Variants in STXBP5L observed in about 807,000 individuals in gnomAD.
STXBP5L encodes syntaxin binding protein 5L, also known as syntaxin-binding protein 5-like.
STXBP5L carries 65 observed loss-of-function variants against 144.5 expected under a neutral mutation model. That is an observed-to-expected ratio of 0.45 (90% CI 0.37 to 0.55). The LOEUF (loss-of-function observed/expected upper bound fraction) is 0.55. Among genes scored for constraint, STXBP5L ranks in the 20% least tolerant of loss-of-function variants. The pLI, the probability that STXBP5L is intolerant of heterozygous loss-of-function variation, is 0.00. For synonymous variants in STXBP5L, 505 were observed against 469.6 expected (o/e 1.08, Z -0.97); for missense variants, 1,298 against 1,405.5 (o/e 0.92, Z 1.22).
At chr3:121,137,028 T>G (rs1358416287) in intron 7 of STXBP5L, among the ~76,000 whole-genome samples, 1 of 152,180 alleles carries the variant, frequency 6.6e-6, no homozygotes, top group African/African-American at 2.4e-5. Context: ...CTAAACGTTG[T>G]GTACACACAG....
At chr3:121,007,249 A>T (rs558672975) in intron 3 of STXBP5L, among the ~76,000 whole-genome samples, 1 of 152,062 alleles carries the variant, frequency 6.6e-6, no homozygotes, top group Non-Finnish European at 1.5e-5. Flanking sequence ...CTTGATTATG[A>T]TACATTATCT....
chr3:121,206,147 A>G (rs927545535), intron 10 of STXBP5L, 146 bp downstream of exon 10: 8 of 442,980 alleles, frequency 1.8e-5, no homozygotes, highest in African/African-American at 4.1e-5. Flanking sequence ...CTTGTCTCAT[A>G]GACATATCTC....
chr3:121,284,219 T>C (rs186428798), intron 19 of STXBP5L, among the ~76,000 whole-genome samples: 12 of 152,104 alleles, frequency 7.9e-5, no homozygotes, highest in Admixed American at 1.3e-4. Context: ...TCCTCTAAAG[T>C]ATAATTTCTA....
At chr3:121,221,656 TAAC>T (rs1343484857) in intron 10 of STXBP5L, among the ~76,000 whole-genome samples, 1 of 151,616 alleles carries the variant, frequency 6.6e-6, no homozygotes, top group Non-Finnish European at 1.5e-5. Context: ...TTTATAGAAA[TAAC>T]AAATGTGCTT....
chr3:120,960,746 C>T (rs1576493623), intron 3 of STXBP5L, among the ~76,000 whole-genome samples: 1 of 151,584 alleles, frequency 6.6e-6, no homozygotes, highest in Non-Finnish European at 1.5e-5. Flanking sequence ...AACATCACAC[C>T]CTGGGGCCTG....
Position 121,179,091 on chromosome 3 carries a change from G to A in STXBP5L, c.877+21464G>A, listed in dbSNP as rs562797718. On this transcript the variant is annotated intron_variant, in intron 9 of 26. Transcript: ENST00000471454. The stretch of plus-strand genomic sequence containing the variant: ...TGGGAAAGCTTATGACCTGGGGCAG[G>A]TGCTCACCAAAGGATACCTCCCCAC... Among the ~76,000 whole-genome samples the A allele has an allele frequency of 5.9e-5, 9 of 152,084 alleles. No homozygotes were observed. The East Asian group carries it at 1.5e-3, about 26-fold the overall frequency.
intron 5 of STXBP5L, among the ~76,000 whole-genome samples, chr3:121,082,308 G>T (rs1288986570): frequency 1.3e-5 from 2 of 150,596 alleles, no homozygotes; most frequent in Non-Finnish European, 3.0e-5. Flanking sequence ...TTTTTTTTTG[G>T]CATACAAATC....
At chr3:121,417,357 A>G (rs1292089139) in intron 25 of STXBP5L, among the ~76,000 whole-genome samples, 1 of 152,224 alleles carries the variant, frequency 6.6e-6, no homozygotes. Flanking sequence ...TAAAAAAATT[A>G]GATTCCATCC....
chr3:120,979,107 G>A (rs1177136900), intron 3 of STXBP5L, among the ~76,000 whole-genome samples: 1 of 152,224 alleles, frequency 6.6e-6, no homozygotes, highest in Non-Finnish European at 1.5e-5. Context: ...AGTCTGCAGA[G>A]GTTACTGCTG....
chr3:121,258,955 C>T (rs1296272882), intron 17 of STXBP5L, 88 bp from the exon 18 acceptor site: 1 of 1,320,334 alleles, frequency 7.6e-7, no homozygotes, highest in African/African-American at 1.5e-5. Flanking sequence ...TTGTATATTT[C>T]TGTAGCATGA....
chr3:120,951,044 C>A (rs1266206959), intron 2 of STXBP5L, among the ~76,000 whole-genome samples: 5 of 151,898 alleles, frequency 3.3e-5, no homozygotes, highest in African/African-American at 1.2e-4. Context: ...GAAAAACAAG[C>A]AATGGGGAAA....
At chr3:121,115,662 C>A (rs1189577138) in intron 6 of STXBP5L, among the ~76,000 whole-genome samples, 2 of 152,052 alleles carry the variant, frequency 1.3e-5, no homozygotes, top group African/African-American at 4.8e-5. Flanking sequence ...AAAGGAATCC[C>A]TGAGACAAGG....
chr3:121,013,043 C>T (rs1464856992), intron 3 of STXBP5L, among the ~76,000 whole-genome samples: 1 of 151,146 alleles, frequency 6.6e-6, no homozygotes, highest in Non-Finnish European at 1.5e-5. Context: ...TTTTTTATGG[C>T]TTCATAGTAT....
chr3:121,351,566 G>T (rs951552243), intron 20 of STXBP5L, among the ~76,000 whole-genome samples: 4 of 152,094 alleles, frequency 2.6e-5, no homozygotes, highest in Admixed American at 2.6e-4. Context: ...ATTTGTTTAA[G>T]TTCTTTGTAG....
intron 3 of STXBP5L, among the ~76,000 whole-genome samples, chr3:121,013,429 A>G (rs1288036007): frequency 6.6e-6 from 1 of 151,978 alleles, no homozygotes; most frequent in African/African-American, 2.4e-5. Context: ...TTTAATTTGC[A>G]TCTTTCTGAT....
chr3:121,200,076 AC>A lies in STXBP5L; in HGVS notation c.878-5845del, dbSNP rs1361865164. On this transcript the variant is annotated intron_variant, in intron 9 of 26. Transcript: ENST00000471454. ...AGGAATGGTTCCAGCTCCTCTTTGT[AC>A]CTCTGGTAGAATTTGGCTGTGAATC... 3.3e-5 allele frequency among the ~76,000 whole-genome samples: 5 copies of A among 151,866 alleles called. No homozygotes were observed. The South Asian group carries it at 6.2e-4, about 19-fold the overall frequency.
intron 3 of STXBP5L, among the ~76,000 whole-genome samples, chr3:120,993,827 T>G (rs1943123796): frequency 6.6e-6 from 1 of 152,092 alleles, no homozygotes; most frequent in South Asian, 2.1e-4. Context: ...TTTCTATTTT[T>G]GTGAGAATAT....
intron 10 of STXBP5L, among the ~76,000 whole-genome samples, chr3:121,214,777 T>C (rs2048711610): frequency 6.6e-6 from 1 of 152,178 alleles, no homozygotes; most frequent in African/African-American, 2.4e-5. Context: ...TTTTGTCTCA[T>C]TGACCTGTCT....
At chr3:121,295,708 TTTGA>T (rs1559945275) in intron 19 of STXBP5L, among the ~76,000 whole-genome samples, 1 of 152,176 alleles carries the variant, frequency 6.6e-6, no homozygotes, top group Non-Finnish European at 1.5e-5. Context: ...CTGTGAACTT[TTTGA>T]TTGTCACAAC....
Sources: gnomAD v4.1 joint callset for allele counts (sites outside exome capture counted in the v4.1 genomes callset) on GRCh38, gnomAD v4.1.1 for gene constraint, MANE v1.5 for transcripts, NCBI Gene and HGNC (gene_info 2026-07-23, HGNC 2026-07-21) for gene names.